The following AK5 variants were observed in gnomAD, a reference collection of about 807,000 sequenced individuals.
AK5 encodes adenylate kinase 5, also known as adenylate kinase isoenzyme 5.
AK5 carries 27 observed loss-of-function variants against 69.5 expected under a neutral mutation model. The observed-to-expected ratio is 0.39, with a 90% confidence interval of 0.29 to 0.54. The LOEUF is 0.54. Ranked by LOEUF, AK5 falls within the 20% of genes least tolerant of loss-of-function variation. AK5 has a pLI of 0.71. For synonymous variants in AK5, 260 were observed against 244.4 expected, an observed-to-expected ratio of 1.06 and a Z score of -0.60; for missense variants, 531 against 700.4, an observed-to-expected ratio of 0.76 and a Z score of 2.73.
chr1:77,516,933 T>C (rs962121504), intron 10 of AK5, among the ~76,000 whole-genome samples: 6 of 151,764 alleles, frequency 4.0e-5, no homozygotes, highest in Non-Finnish European at 8.8e-5. Context: ...TAGCCAGGCA[T>C]GGTGGTGCGC....
intron 5 of AK5, among the ~76,000 whole-genome samples, chr1:77,322,956 C>T (rs959293440): frequency 6.6e-6 from 1 of 151,600 alleles, no homozygotes; most frequent in Non-Finnish European, 1.5e-5. Context: ...ACAAGTTCTG[C>T]GCTGTTTATT....
chr1:77,330,452 TC>T (rs77974445), intron 5 of AK5, among the ~76,000 whole-genome samples: 20,551 of 152,174 alleles, frequency 0.14, 1,610 homozygotes, highest in East Asian at 0.36. Context: ...GTCATTGTTT[TC>T]CATATGGACA....
intron 6 of AK5, among the ~76,000 whole-genome samples, chr1:77,348,939 G>A (rs76472750): frequency 0.018 from 2,769 of 152,154 alleles, 84 homozygotes; most frequent in African/African-American, 0.063. Flanking sequence ...TTTTGGTAAT[G>A]TCCCTAGACT....
intron 6 of AK5, among the ~76,000 whole-genome samples, chr1:77,401,332 ATT>A: frequency 6.6e-6 from 1 of 152,332 alleles, no homozygotes; most frequent in South Asian, 2.1e-4. Flanking sequence ...AGGGCCAGTT[ATT>A]TGCATGTTGA....
chr1:77,282,912 C>T, intron 1 of AK5: 2 of 985,974 alleles, frequency 2.0e-6, no homozygotes, highest in South Asian at 4.7e-5. Context: ...TCAAGTGCCA[C>T]CTCCCCGGTG....
intron 8 of AK5, among the ~76,000 whole-genome samples, chr1:77,436,236 A>G (rs1382724301): frequency 2.0e-5 from 3 of 151,930 alleles, no homozygotes; most frequent in African/African-American, 7.2e-5. Context: ...AATTAGACAA[A>G]TTTTTCTTTT....
At chr1:77,368,364 A>G (rs1647057781) in intron 6 of AK5, among the ~76,000 whole-genome samples, 1 of 137,030 alleles carries the variant, frequency 7.3e-6, no homozygotes. Flanking sequence ...GTGTATATAT[A>G]TACACACACA....
intron 6 of AK5, 32 bp downstream of exon 6, chr1:77,340,600 C>G: frequency 6.3e-7 from 1 of 1,584,318 alleles, no homozygotes; most frequent in Non-Finnish European, 8.6e-7. Flanking sequence ...AAGTCCAATA[C>G]AAGAGCGCTC....
intron 8 of AK5, among the ~76,000 whole-genome samples, chr1:77,444,315 T>C (rs183658428): frequency 0.2 from 7,848 of 39,824 alleles, 1,096 homozygotes; most frequent in South Asian, 0.34. Flanking sequence ...ATATACACAA[T>C]ATATGTGTAT....
chr1:77,308,830 G>C (rs577458385), intron 5 of AK5, among the ~76,000 whole-genome samples: 14 of 152,202 alleles, frequency 9.2e-5, no homozygotes, highest in African/African-American at 3.4e-4. Flanking sequence ...TTAGCTGGGT[G>C]TGATGACGTG....
At chr1:77,490,600 C>A (rs1655921781) in intron 10 of AK5, among the ~76,000 whole-genome samples, 1 of 152,170 alleles carries the variant, frequency 6.6e-6, no homozygotes, top group Non-Finnish European at 1.5e-5. Context: ...CTATGGACTT[C>A]AGTTGTTCAC....
At chr1:77,512,245 GAGAGAGAGAGAC>G (rs1436343669) in intron 10 of AK5, among the ~76,000 whole-genome samples, 7 of 151,986 alleles carry the variant, frequency 4.6e-5, no homozygotes, top group Admixed American at 2.0e-4. Flanking sequence ...GTGTGTGTGA[GAGAGAGAGAGAC>G]AGAGAGAGAG....
intron 8 of AK5, among the ~76,000 whole-genome samples, chr1:77,455,681 A>G (rs1178338350): frequency 2.5e-4 from 38 of 152,114 alleles, no homozygotes; most frequent in Admixed American, 2.5e-3. Context: ...GCCCAAACAG[A>G]TGAAGGCAAA....
chr1:77,390,529 C>T (rs772194358), intron 6 of AK5, among the ~76,000 whole-genome samples: 1 of 152,088 alleles, frequency 6.6e-6, no homozygotes, highest in Non-Finnish European at 1.5e-5. Context: ...TAACAACTTA[C>T]TCTTACACAA....
At chr1:77,518,916 C>T (rs1055996772) in intron 11 of AK5, among the ~76,000 whole-genome samples, 189 bp downstream of exon 11, 1 of 152,144 alleles carries the variant, frequency 6.6e-6, no homozygotes. Context: ...TCAACCAGGT[C>T]GAGCTGGCCC....
At position 77,283,754 on chromosome 1, in the gene AK5, T is replaced by G. The variant is rs1392576787; in HGVS notation, c.60+1381T>G. 1.8e-5 allele frequency: 8 copies of G among 452,284 alleles called. No individual in the cohort carries two copies. The Admixed American group carries it at 5.1e-4, about 29-fold the overall frequency. 28.0% of individuals were successfully genotyped at this position (452,284 alleles called of 1,614,324 possible). A position where few individuals can be genotyped will look rare whatever the true frequency, so the allele number is the denominator to read the frequency against. On this transcript the variant is annotated intron_variant, in intron 1 of 13. Transcript: ENST00000354567. Reference sequence around the variant, plus strand: ...GAATCTTAAGAGTTGTTTTTTTTGTTTGTTTTTATTTTCAAAAAGTAAATA... The same window carrying G: ...GAATCTTAAGAGTTGTTTTTTTTGTGTGTTTTTATTTTCAAAAAGTAAATA...
intron 5 of AK5, among the ~76,000 whole-genome samples, chr1:77,317,013 C>A (rs1240820246): frequency 6.6e-6 from 1 of 152,152 alleles, no homozygotes; most frequent in South Asian, 2.1e-4. Flanking sequence ...TTTATAATTT[C>A]ACGTGCTTTA....
intron 6 of AK5, among the ~76,000 whole-genome samples, chr1:77,391,495 G>GTATGTGTGTGTATATATATA (rs1553144161): frequency 3.2e-5 from 2 of 63,452 alleles, no homozygotes; most frequent in African/African-American, 1.1e-4. Flanking sequence ...GTGTGTGTGT[G>GTATGTGTGTGTATATATATA]TATATATATA....
At chr1:77,295,125 T>G (rs1397775979) in intron 3 of AK5, among the ~76,000 whole-genome samples, 1 of 152,206 alleles carries the variant, frequency 6.6e-6, no homozygotes, top group Non-Finnish European at 1.5e-5. Flanking sequence ...GTTTTCACAT[T>G]CCAGTTAGAA....
Sources: gnomAD v4.1 joint callset for allele counts (sites outside exome capture counted in the v4.1 genomes callset) on GRCh38, gnomAD v4.1.1 for gene constraint, MANE v1.5 for transcripts, NCBI Gene and HGNC (gene_info 2026-07-23, HGNC 2026-07-21) for gene names.